Variants in ZNF846 observed in about 807,000 individuals in gnomAD.
The protein encoded by ZNF846 is zinc finger protein 846, also known as zinc finger protein 420 pseudogene.
A neutral mutation model predicts 16.0 loss-of-function variants in ZNF846; 15 were observed. The ratio of observed to expected loss-of-function variants is 0.94; its 90% CI spans 0.63 to 1.45. ZNF846 has a LOEUF of 1.45. Among genes scored for constraint, ZNF846 ranks in the 40% most tolerant of loss-of-function variants. The pLI is 0.00. For synonymous variants in ZNF846, 229 were observed against 212.0 expected, an observed-to-expected ratio of 1.08 and a Z score of -0.70; for missense variants, 714 against 622.3, an observed-to-expected ratio of 1.15 and a Z score of -1.57.
intron 1 of ZNF846, among the ~76,000 whole-genome samples, chr19:9,767,336 T>C (rs1162284031): frequency 1.3e-5 from 2 of 151,938 alleles, no homozygotes; most frequent in African/African-American, 2.4e-5. Context: ...GGTTTCTCCA[T>C]GTTGGTCGGG....
chr19:9,777,136 AACAC>A (rs575407990), intron 1 of ZNF846, among the ~76,000 whole-genome samples: 2 of 149,448 alleles, frequency 1.3e-5, no homozygotes, highest in Admixed American at 6.7e-5. Flanking sequence ...AACGAAAGAA[AACAC>A]ACACACACGC....
At chr19:9,756,345 G>GTGTGTGTGTA (rs1321690890), downstream of ZNF846, 5 of 81,774 alleles carry the variant, frequency 6.1e-5, no homozygotes, top group African/African-American at 2.4e-4. Context: ...GTGTGTGTGT[G>GTGTGTGTGTA]TATATATATA....
intron 1 of ZNF846, chr19:9,774,676 G>T: frequency 6.8e-7 from 1 of 1,474,584 alleles, no homozygotes; most frequent in Non-Finnish European, 9.5e-7. Context: ...TTCCAGCAGA[G>T]TATCCATTCA....
chr19:9,779,725 C>T (rs1386722386), intron 1 of ZNF846, among the ~76,000 whole-genome samples: 1 of 151,960 alleles, frequency 6.6e-6, no homozygotes, highest in African/African-American at 2.4e-5. Context: ...TGCCCACCAC[C>T]ACACCCAGCT....
chr19:9,753,830 T>A (rs1420196584), downstream of ZNF846, among the ~76,000 whole-genome samples: 1 of 151,758 alleles, frequency 6.6e-6, no homozygotes, highest in Non-Finnish European at 1.5e-5. Flanking sequence ...TAACACATGG[T>A]TTCTCCTGGA....
chr19:9,760,356 G>A (rs1156603195), intron 4 of ZNF846, among the ~76,000 whole-genome samples: 1 of 151,042 alleles, frequency 6.6e-6, no homozygotes, highest in African/African-American at 2.5e-5. Context: ...AAGAACTACA[G>A]GGCTCTTTCC....
intron 3 of ZNF846, among the ~76,000 whole-genome samples, chr19:9,762,774 T>G (rs2045250496): frequency 6.6e-6 from 1 of 152,192 alleles, no homozygotes. Context: ...GCTGATGAGC[T>G]ACAACAAATA....
chr19:9,772,831 G>C (rs116512395), upstream of ZNF846, among the ~76,000 whole-genome samples: 5,630 of 152,108 alleles, frequency 0.037, 363 homozygotes, highest in African/African-American at 0.13. Flanking sequence ...TCAGCACTTT[G>C]GGAGGCTGAG....
intron 1 of ZNF846, among the ~76,000 whole-genome samples, chr19:9,777,722 T>G (rs2045461754): frequency 6.6e-6 from 1 of 151,440 alleles, no homozygotes. Context: ...TGGGGCCAGG[T>G]GCGATGGTTC....
intron 1 of ZNF846, among the ~76,000 whole-genome samples, chr19:9,765,364 G>A (rs1489757849): frequency 6.6e-6 from 1 of 150,798 alleles, no homozygotes; most frequent in Admixed American, 6.6e-5. Context: ...GACAGAGTGC[G>A]ACTCCATCTT....
chr19:9,758,470 A>G, exon 6 of ZNF846: 3 of 1,613,608 alleles, frequency 1.9e-6, no homozygotes, highest in South Asian at 1.1e-5. Context: ...GTTCTCCAAC[A>G]GTCTTTGCAT....
At chr19:9,756,825 T>C (rs1185517808), downstream of ZNF846, 2 of 122,868 alleles carry the variant, frequency 1.6e-5, no homozygotes, top group African/African-American at 5.5e-5. Flanking sequence ...TGAAGTACTA[T>C]GAAGGTTTGT....
exon 1 of ZNF846, chr19:9,768,537 G>A (rs1249809903): frequency 6.6e-6 from 1 of 152,404 alleles, no homozygotes; most frequent in Non-Finnish European, 1.5e-5. Context: ...TCGGGGTCCT[G>A]GCGGGGAGGA....
At chr19:9,767,792 G>A (rs552271428) in intron 1 of ZNF846, among the ~76,000 whole-genome samples, 1 of 152,028 alleles carries the variant, frequency 6.6e-6, no homozygotes, top group Admixed American at 6.6e-5. Flanking sequence ...AAATTAGCCG[G>A]GCGTGGTGGC....
downstream of ZNF846, among the ~76,000 whole-genome samples, chr19:9,753,253 T>TTTATTTAC (rs2045103105): frequency 7.5e-6 from 1 of 134,058 alleles, no homozygotes. Context: ...TATTTATTTA[T>TTTATTTAC]TTATTTATTT....
At chr19:9,766,898 CA>C (rs939656218) in intron 1 of ZNF846, among the ~76,000 whole-genome samples, 1,460 of 92,764 alleles carry the variant, frequency 0.016, 12 homozygotes, top group African/African-American at 0.044. Flanking sequence ...GACTCTGTCT[CA>C]AAAAAAAAAA....
chr19:9,768,739 AGCT>A (rs2045360686), upstream of ZNF846: 1 of 152,444 alleles, frequency 6.6e-6, no homozygotes, highest in African/African-American at 2.4e-5. Flanking sequence ...GAATACGTAT[AGCT>A]GCGCGCCGGC....
At chr19:9,752,852 T>C (rs975569365), downstream of ZNF846, among the ~76,000 whole-genome samples, 1 of 152,218 alleles carries the variant, frequency 6.6e-6, no homozygotes, top group Non-Finnish European at 1.5e-5. Context: ...GTTACTGCTA[T>C]GAGTTGCCTT....
rs2045158599 is a variant in ZNF846, at chr19:9,757,932, A to G, written c.1145T>C (p.Val382Ala). The change falls in exon 6 of 6, where the codon GTT becomes GCT. Residue 382 changes from valine (V) to alanine (A), a missense_variant. Physicochemically the swap from Val to Ala is moderately conservative, Grantham distance 64. Transcript: ENST00000397902. ...TCCAGTATGTGTTCTCATGTGTAAA[A>G]CAAGTCCTGAGGAACGAGTAAAAGC... is the stretch of plus-strand genomic sequence containing the variant. 1 of 1,613,524 alleles carries G rather than the reference A, an allele frequency of 6.2e-7. No individual in the cohort carries two copies. Among genetic ancestry groups the G allele is most frequent in the Non-Finnish European group, 8.5e-7 (1 of 1,180,008 alleles).
Sources: allele counts gnomAD v4.1 joint callset (sites outside exome capture counted in the v4.1 genomes callset), GRCh38; gene constraint gnomAD v4.1.1; transcripts MANE v1.5; gene names NCBI Gene and HGNC (gene_info 2026-07-23, HGNC 2026-07-21).